The following GRID2 variants were observed in gnomAD, a reference collection of about 807,000 sequenced individuals.
GRID2 encodes glutamate ionotropic receptor delta type subunit 2.
In GRID2, 33 loss-of-function variants were observed where a neutral mutation model predicts 114.8. The observed-to-expected ratio is 0.29, with a 90% CI of 0.22 to 0.38. The LOEUF (loss-of-function observed/expected upper bound fraction) is 0.38, where lower values mean the gene tolerates loss of function less well. Ranked by LOEUF, GRID2 falls within the 10% of genes least tolerant of loss-of-function variation. The pLI is 1.00. For synonymous variants in GRID2, 505 were observed against 449.9 expected (o/e 1.12, Z -1.55); for missense variants, 1,184 against 1,257.7 (o/e 0.94, Z 0.89).
chr4:93,265,197 G>A (rs1037699598), intron 8 of GRID2, among the ~76,000 whole-genome samples: 2 of 151,996 alleles, frequency 1.3e-5, no homozygotes, highest in African/African-American at 2.4e-5. Flanking sequence ...GTCAAATCAG[G>A]AACTGGAAAG....
chr4:92,784,298 TTTA>T (rs1469904477), intron 2 of GRID2, among the ~76,000 whole-genome samples: 1 of 152,012 alleles, frequency 6.6e-6, no homozygotes, highest in Non-Finnish European at 1.5e-5. Flanking sequence ...CATGTCCATT[TTTA>T]TTATTTTAAC....
At chr4:92,913,447 A>G (rs1181051818) in intron 2 of GRID2, among the ~76,000 whole-genome samples, 3 of 151,950 alleles carry the variant, frequency 2.0e-5, no homozygotes, top group Non-Finnish European at 4.4e-5. Context: ...TTCACAAGGC[A>G]CACATGTCTT....
intron 2 of GRID2, among the ~76,000 whole-genome samples, chr4:92,641,154 T>A (rs1731327231): frequency 6.6e-6 from 1 of 151,740 alleles, no homozygotes; most frequent in South Asian, 2.1e-4. Context: ...CAGTGCCTGG[T>A]ATGGAGGAGA....
intron 13 of GRID2, among the ~76,000 whole-genome samples, chr4:93,517,983 A>T (rs1288305560): frequency 5.8e-5 from 1 of 17,196 alleles, no homozygotes; most frequent in African/African-American, 3.1e-4. Context: ...ATGTACATGT[A>T]TGTATATACA....
chr4:93,575,867 C>A (rs1736374238), intron 13 of GRID2, among the ~76,000 whole-genome samples: 1 of 152,044 alleles, frequency 6.6e-6, no homozygotes, highest in Non-Finnish European at 1.5e-5. Flanking sequence ...TATATTTTAG[C>A]ACTGCATTCT....
Position 93,085,158 on chromosome 4 carries a change from C to T in GRID2, c.408C>T (p.Ser136=). 6.2e-7 allele frequency: 1 copy of T among 1,614,048 alleles called. No homozygotes were observed. The highest frequency in any genetic ancestry group is 8.5e-7 in the Non-Finnish European group (1 of 1,179,992). ...TPRSGCGLTR[S]NRNDDYTLSV... is the part of the protein sequence containing the mutation. The stretch of plus-strand genomic sequence containing the variant: ...GGAGTGGCTGTGGACTCACCCGGAG[C>T]AACAGGAATGATGACTACACTCTCT... Residue 136 remains serine (S), a synonymous_variant, in exon 3 of 16, where the codon AGC becomes AGT. Coordinates refer to ENST00000282020, the MANE Select transcript of GRID2 (RefSeq NM_001510.4).
In GRID2 at chr4:93,496,103, C is replaced by A. The variant is rs138486793; in HGVS notation, c.1997+5326C>A. 3.0e-3 allele frequency among the ~76,000 whole-genome samples: 412 copies of A among 136,028 alleles called. 2 individuals carry two copies. The highest frequency in any genetic ancestry group is 0.011 in the African/African-American group (401 of 35,296). The allele number at this position is 136,028 out of a possible 152,430, so 89.2% of individuals were successfully genotyped here. ...GACTTATTTTTATTCCATTTGAATG[C>A]ATTTTTTTCCTGATTGTAAAAAAAA... On this transcript the variant is annotated intron_variant, in intron 12 of 15. Transcript: ENST00000282020.
chr4:92,965,473 A>C (rs1418204201), intron 2 of GRID2, among the ~76,000 whole-genome samples: 7 of 53,852 alleles, frequency 1.3e-4, no homozygotes, highest in African/African-American at 4.0e-4. Flanking sequence ...AAAAAAAAAA[A>C]AAAAAAAAAA....
intron 1 of GRID2, among the ~76,000 whole-genome samples, chr4:92,438,396 T>A (rs954575506): frequency 3.3e-5 from 5 of 151,868 alleles, no homozygotes; most frequent in African/African-American, 1.2e-4. Context: ...TATCGCATAT[T>A]TTTTTTTGTG....
intron 14 of GRID2, among the ~76,000 whole-genome samples, chr4:93,675,902 G>A (rs569111455): frequency 6.6e-6 from 1 of 152,300 alleles, no homozygotes; most frequent in African/African-American, 2.4e-5. Context: ...CTAAGCAGAG[G>A]TTGGAAACAA....
At chr4:92,659,198 G>A (rs1732402902) in intron 2 of GRID2, among the ~76,000 whole-genome samples, 1 of 151,578 alleles carries the variant, frequency 6.6e-6, no homozygotes, top group African/African-American at 2.4e-5. Flanking sequence ...ATCATATAAA[G>A]CCAAATGAGT....
intron 2 of GRID2, among the ~76,000 whole-genome samples, chr4:92,878,908 G>A (rs1745808710): frequency 3.3e-5 from 5 of 151,964 alleles, no homozygotes; most frequent in South Asian, 2.1e-4. Context: ...ATACAAACCC[G>A]TGAGGCTATC....
intron 13 of GRID2, among the ~76,000 whole-genome samples, chr4:93,591,556 T>G (rs965594447): frequency 2.3e-4 from 35 of 152,196 alleles, no homozygotes; most frequent in Non-Finnish European, 4.4e-4. Context: ...GGTATCAGAA[T>G]GATGCTGGCC....
At chr4:92,999,904 C>T (rs1011094868) in intron 2 of GRID2, among the ~76,000 whole-genome samples, 3 of 151,328 alleles carry the variant, frequency 2.0e-5, no homozygotes, top group Non-Finnish European at 3.0e-5. Context: ...CAGCTAGATA[C>T]GAACTTTATT....
chr4:93,010,835 C>T (rs1722057553), intron 2 of GRID2, among the ~76,000 whole-genome samples: 1 of 152,008 alleles, frequency 6.6e-6, no homozygotes, highest in Non-Finnish European at 1.5e-5. Context: ...CAGTTATAAC[C>T]TTTATAATTT....
At chr4:93,728,539 C>G (rs1383224310) in intron 14 of GRID2, among the ~76,000 whole-genome samples, 1 of 152,018 alleles carries the variant, frequency 6.6e-6, no homozygotes, top group Admixed American at 6.5e-5. Flanking sequence ...CCTGGGTATC[C>G]TTGTTAACTT....
intron 1 of GRID2, among the ~76,000 whole-genome samples, chr4:92,516,108 T>C (rs980579516): frequency 2.0e-5 from 3 of 151,922 alleles, no homozygotes; most frequent in African/African-American, 7.2e-5. Flanking sequence ...ATAACTCAAA[T>C]ATTTTGTTTG....
intron 13 of GRID2, among the ~76,000 whole-genome samples, chr4:93,611,022 T>C (rs1740830753): frequency 7.7e-6 from 1 of 130,248 alleles, no homozygotes; most frequent in African/African-American, 3.2e-5. Flanking sequence ...GAGATTCAAC[T>C]TCTTCCTGGT....
intron 11 of GRID2, among the ~76,000 whole-genome samples, chr4:93,485,731 G>T (rs2149452441): frequency 6.6e-6 from 1 of 151,774 alleles, no homozygotes; most frequent in Non-Finnish European, 1.5e-5. Flanking sequence ...GTTTATCCTT[G>T]TACAACTAAC....
Sources: allele counts gnomAD v4.1 joint callset (sites outside exome capture counted in the v4.1 genomes callset), GRCh38; gene constraint gnomAD v4.1.1; transcripts MANE v1.5; gene names NCBI Gene and HGNC (gene_info 2026-07-23, HGNC 2026-07-21).